The following CUX2 variants were observed in gnomAD, a reference collection of about 807,000 sequenced individuals.
The protein encoded by CUX2 is cut like homeobox 2.
CUX2 carries 40 observed loss-of-function variants against 144.8 expected under a neutral mutation model. The observed-to-expected ratio is 0.28, with a 90% CI of 0.21 to 0.36. The LOEUF (loss-of-function observed/expected upper bound fraction) is 0.36. Among genes scored for constraint, CUX2 ranks in the 10% least tolerant of loss-of-function variants. CUX2 has a pLI of 1.00. For missense variants in CUX2, 1,615 were observed against 1,994.0 expected, an observed-to-expected ratio of 0.81 and a Z score of 3.62; for synonymous variants, 827 against 875.6, an observed-to-expected ratio of 0.94 and a Z score of 0.98.
At chr12:111,156,277 C>A (rs759306764) in intron 1 of CUX2, among the ~76,000 whole-genome samples, 1 of 152,150 alleles carries the variant, frequency 6.6e-6, no homozygotes, top group African/African-American at 2.4e-5. Flanking sequence ...GGAATGTTCC[C>A]CTTTTGCTCT....
At chr12:111,327,138 C>G (rs1383448934) in intron 18 of CUX2, among the ~76,000 whole-genome samples, 1 of 152,150 alleles carries the variant, frequency 6.6e-6, no homozygotes, top group Non-Finnish European at 1.5e-5. Context: ...TCTGGATTTG[C>G]CTCTTCTGAA....
In CUX2 at chr12:111,255,267, CTG is replaced by C. The variant is rs1213641973; in HGVS notation, c.223-8493_223-8492del. 6.6e-6 allele frequency among the ~76,000 whole-genome samples: 1 copy of C among 152,212 alleles called. No homozygotes were observed. The highest frequency in any genetic ancestry group is 1.5e-5 in the Non-Finnish European group (1 of 68,030). ...ATTTCTGCCCCATTTTAGCAGGAGA[CTG>C]AGAACCCAGTTTGACAACAGTAGCT... is the stretch of plus-strand genomic sequence containing the variant. On this transcript the variant is annotated intron_variant, in intron 3 of 21. Transcript: ENST00000261726. This position sits in a 1 kb window ranked among gnomAD's most constrained non-coding sequence, Gnocchi z 4.1.
rs1035620357 is a variant in CUX2 at position 111,068,514 on chromosome 12, C to G, written c.63+34274C>G. ...AGCTTTTTTATTTTTTTCCAGAAAGCCTTCAGCCCAAACTCTGGGCTCTCC... is the reference window on the plus strand; with the variant it reads ...AGCTTTTTTATTTTTTTCCAGAAAGGCTTCAGCCCAAACTCTGGGCTCTCC... On this transcript the variant is annotated intron_variant, in intron 1 of 21. Coordinates refer to ENST00000261726, the MANE Select transcript of CUX2 (RefSeq NM_015267.4). The surrounding 1 kb of genome is among the most constrained non-coding windows in gnomAD (Gnocchi z 4.9). Among the ~76,000 whole-genome samples the G allele has an allele frequency of 2.0e-5, 3 of 152,318 alleles. No homozygotes were observed. The highest frequency in any genetic ancestry group is 6.5e-5 in the Admixed American group (1 of 15,308).
intron 1 of CUX2, among the ~76,000 whole-genome samples, chr12:111,182,113 G>A (rs1879221277): frequency 6.6e-6 from 1 of 152,062 alleles, no homozygotes; most frequent in African/African-American, 2.4e-5. Context: ...GCAGGGTCGG[G>A]GGATAAAAAT....
chr12:111,215,809 A>G (rs1210216090), intron 2 of CUX2, among the ~76,000 whole-genome samples: 2 of 152,140 alleles, frequency 1.3e-5, no homozygotes, highest in African/African-American at 2.4e-5. Flanking sequence ...TTCTAGCCCA[A>G]CTGACTTTCT....
intron 1 of CUX2, among the ~76,000 whole-genome samples, chr12:111,179,577 T>C (rs1477254716): frequency 1.3e-5 from 2 of 151,238 alleles, no homozygotes; most frequent in African/African-American, 2.4e-5. Flanking sequence ...TTCCGGCTGA[T>C]CTGAGCCATC....
chr12:111,286,626 G>A (rs991335319), intron 4 of CUX2, among the ~76,000 whole-genome samples: 7 of 151,986 alleles, frequency 4.6e-5, no homozygotes, highest in Admixed American at 2.0e-4. Context: ...TAATTCTAGC[G>A]CATTGGGAGG....
At chr12:111,318,114 C>T (rs1337362172) in intron 16 of CUX2, among the ~76,000 whole-genome samples, 1 of 151,998 alleles carries the variant, frequency 6.6e-6, no homozygotes, top group East Asian at 1.9e-4. Flanking sequence ...CACTCTGTTG[C>T]CCAGGCTGGA....
In CUX2 at chr12:111,320,186, C is replaced by T. The variant is rs1472115468; in HGVS notation, c.2177C>T (p.Ser726Leu). The T allele has an allele frequency of 4.6e-6, 7 of 1,531,302 alleles. No homozygotes were observed. In the East Asian group the frequency reaches 9.7e-5, roughly 21 times the overall value. 94.9% of individuals were successfully genotyped at this position (1,531,302 alleles called of 1,614,324 possible). A position where few individuals can be genotyped will look rare whatever the true frequency, so the allele number is the denominator to read the frequency against. Reference sequence around the variant, plus strand: ...CCCAGGGGCCGCTCGGTGCCCCCCTCGCCCCCGGAGCGGCCATCACTGGCC... The same window carrying T: ...CCCAGGGGCCGCTCGGTGCCCCCCTTGCCCCCGGAGCGGCCATCACTGGCC... ...VAPRGRSVPP[S>L]PPERPSLATA... The change falls in exon 17 of 22, where the codon TCG becomes TTG. Residue 726 changes from serine to leucine, a missense_variant. This residue lies in a region of CUX2 where 390 missense variants were observed against 387.1 expected (regional missense o/e 1.01). Coordinates refer to ENST00000261726, the MANE Select transcript of CUX2 (RefSeq NM_015267.4). The surrounding 1 kb of genome is among the most constrained non-coding windows in gnomAD (Gnocchi z 8.1).
chr12:111,173,091 C>A (rs1035981188), intron 1 of CUX2, among the ~76,000 whole-genome samples: 14 of 152,356 alleles, frequency 9.2e-5, no homozygotes, highest in Admixed American at 4.6e-4. Flanking sequence ...TATCTGGAAG[C>A]TGTCTGCACA....
At chr12:111,258,618 T>C (rs1329312489) in intron 3 of CUX2, among the ~76,000 whole-genome samples, 1 of 152,106 alleles carries the variant, frequency 6.6e-6, no homozygotes, top group Non-Finnish European at 1.5e-5. Context: ...ACACGGCTCC[T>C]GTCTTTGAAA....
chr12:111,285,026 C>T lies in CUX2; in HGVS notation c.302-6392C>T, dbSNP rs549238620. Among the ~76,000 whole-genome samples the T allele has an allele frequency of 4.6e-5, 7 of 152,270 alleles. No homozygotes were observed. The East Asian group carries it at 7.7e-4, about 17-fold the overall frequency. ...TTTCCTTTCTCCCCCAAACCTGTGA[C>T]GACGTCCGGGAAAGCCCAGGGTACA... On this transcript the variant is annotated intron_variant, in intron 4 of 21. Coordinates refer to ENST00000261726, the MANE Select transcript of CUX2 (RefSeq NM_015267.4).
chr12:111,268,792 C>T (rs1211301773), intron 4 of CUX2, among the ~76,000 whole-genome samples: 1 of 152,170 alleles, frequency 6.6e-6, no homozygotes, highest in Non-Finnish European at 1.5e-5. Flanking sequence ...AAAAAGACAC[C>T]CTCTTATTTC....
At chr12:111,219,541 G>T (rs1166858860) in intron 3 of CUX2, among the ~76,000 whole-genome samples, 1 of 152,214 alleles carries the variant, frequency 6.6e-6, no homozygotes, top group East Asian at 1.9e-4. Context: ...CTGTTTCCTT[G>T]CTTGAGTTGG....
rs1306692597 is a variant in CUX2 at position 111,307,754 on chromosome 12, G to A, written c.1109+497G>A. Among the ~76,000 whole-genome samples the A allele has an allele frequency of 1.3e-5, 2 of 151,908 alleles. No individual in the cohort carries two copies. Among genetic ancestry groups the A allele is most frequent in the Admixed American group, 6.6e-5 (1 of 15,238 alleles). ...CTTTTCCATTAAGAGCTGCCTGTACGGGCAGATCACCTGAGGTCAGGAGTT... is the reference window on the plus strand; with the variant it reads ...CTTTTCCATTAAGAGCTGCCTGTACAGGCAGATCACCTGAGGTCAGGAGTT... On this transcript the variant is annotated intron_variant, in intron 12 of 21. Transcript: ENST00000261726. The surrounding 1 kb of genome is among the most constrained non-coding windows in gnomAD (Gnocchi z 4.1).
chr12:111,292,688 G>A (rs1232078214), intron 5 of CUX2, among the ~76,000 whole-genome samples: 1 of 152,208 alleles, frequency 6.6e-6, no homozygotes, highest in Non-Finnish European at 1.5e-5. Context: ...GTCAAAACAG[G>A]CAAATTGGTA....
chr12:111,324,083 G>A (rs925271794), intron 18 of CUX2, among the ~76,000 whole-genome samples: 8 of 152,112 alleles, frequency 5.3e-5, no homozygotes, highest in African/African-American at 1.9e-4. Context: ...GGGTGTGATG[G>A]CTCACACCTG....
At chr12:111,091,602 C>T (rs910293116) in intron 1 of CUX2, among the ~76,000 whole-genome samples, 5 of 152,162 alleles carry the variant, frequency 3.3e-5, no homozygotes, top group Admixed American at 2.0e-4. Context: ...TATAGAAGAA[C>T]GCTGTGTTCC....
At chr12:111,308,862 T>C (rs1886732945) in intron 14 of CUX2, among the ~76,000 whole-genome samples, 1 of 152,118 alleles carries the variant, frequency 6.6e-6, no homozygotes, top group Non-Finnish European at 1.5e-5. Context: ...AGCCGACCAC[T>C]GTGGGGAGCA....
Sources: allele counts gnomAD v4.1 joint callset (sites outside exome capture counted in the v4.1 genomes callset), GRCh38; gene constraint gnomAD v4.1.1; regional missense constraint gnomAD v4.1.1; non-coding constraint Gnocchi (gnomAD v3.1); transcripts MANE v1.5; gene names NCBI Gene and HGNC (gene_info 2026-07-23, HGNC 2026-07-21).